The following DNAI7 variants were observed in gnomAD, a reference collection of about 807,000 sequenced individuals.
DNAI7 encodes the protein cancer susceptibility 1.
In DNAI7, 78 loss-of-function variants were observed where a neutral mutation model predicts 86.6. The ratio of observed to expected loss-of-function variants is 0.90; its 90% confidence interval spans 0.75 to 1.09. The LOEUF (loss-of-function observed/expected upper bound fraction) is 1.09. Among genes scored for constraint, DNAI7 ranks in the 50% least tolerant of loss-of-function variants. The pLI is 0.00. For missense variants in DNAI7, 753 were observed against 810.2 expected (o/e 0.93, Z 0.86); for synonymous variants, 274 against 273.0 (o/e 1.00, Z -0.04).
At chr12:25,176,427 T>C (rs1948967145) in intron 2 of DNAI7, among the ~76,000 whole-genome samples, 1 of 152,096 alleles carries the variant, frequency 6.6e-6, no homozygotes, top group East Asian at 1.9e-4. Context: ...ATGTTAAACA[T>C]AAAAACTAAA....
chr12:25,185,765 C>G (rs1949969979), intron 2 of DNAI7: 4 of 984,202 alleles, frequency 4.1e-6, no homozygotes, highest in Non-Finnish European at 4.8e-6. Context: ...GCCACTGAAG[C>G]CTGTTTGTGA....
chr12:25,162,710 C>T (rs73077316), intron 2 of DNAI7, among the ~76,000 whole-genome samples: 17,526 of 152,168 alleles, frequency 0.12, 1,361 homozygotes, highest in Admixed American at 0.16. Context: ...TCTTCCTTTC[C>T]CAGGTTAGAT....
At position 25,147,058 on chromosome 12, in the gene DNAI7, A is replaced by G. The variant is rs534821741; in HGVS notation, c.632T>C (p.Val211Ala). 44 of 1,609,780 alleles carry G rather than the reference A, an allele frequency of 2.7e-5. No individual in the cohort carries two copies. The highest frequency in any genetic ancestry group is 3.3e-5 in the Non-Finnish European group (39 of 1,176,170). Residue 211 changes from valine (V) to alanine (A), a missense_variant, in exon 8 of 16, where the codon GTC (valine) becomes GCC (alanine). Coordinates refer to ENST00000395987, the MANE Select transcript of DNAI7 (RefSeq NM_018272.5). ...CAGAGTAACATTTTCATCTTTAATG[A>G]CTTTTTCCATATTTCCACTGTCCAG... ...ADLDSGNMEK[V>A]IKDENVTLYV...
rs543900316 is a variant in DNAI7 at position 25,117,834 on chromosome 12, G to GT, written c.1396+1310dup. ...CAATTTATAAACGATTAACATTAAA[G>GT]TAATCAAATACTAATTATCCAAATC... On this transcript the variant is annotated intron_variant, in intron 12 of 15. Transcript: ENST00000395987. Among the ~76,000 whole-genome samples, 24 of 151,888 alleles carry GT rather than the reference G, an allele frequency of 1.6e-4. 1 individual carries two copies. The South Asian group carries it at 5.0e-3, about 32-fold the overall frequency.
chr12:25,154,913 T>C (rs1038058178), intron 5 of DNAI7, among the ~76,000 whole-genome samples: 17 of 152,208 alleles, frequency 1.1e-4, no homozygotes, highest in African/African-American at 4.1e-4. Context: ...TTAGAATTTT[T>C]CACTTGATTA....
intron 13 of DNAI7, among the ~76,000 whole-genome samples, chr12:25,112,753 C>G (rs921365145): frequency 6.6e-6 from 1 of 151,986 alleles, no homozygotes; most frequent in Non-Finnish European, 1.5e-5. Flanking sequence ...TCATTTAACC[C>G]AATATATCTA....
chr12:25,161,157 A>C lies in DNAI7; in HGVS notation c.62T>G (p.Leu21Trp). 4 of 1,613,920 alleles carry C rather than the reference A, an allele frequency of 2.5e-6. No homozygotes were observed. The highest frequency in any genetic ancestry group is 3.4e-6 in the Non-Finnish European group (4 of 1,179,912). The change falls in exon 3 of 16, where the codon TTG (leucine) becomes TGG (tryptophan). Residue 21 changes from leucine (L) to tryptophan (W), a missense_variant. By Grantham distance (61) the Leu-to-Trp change is moderately conservative. Coordinates refer to ENST00000395987, the MANE Select transcript of DNAI7 (RefSeq NM_018272.5). The part of the protein sequence containing the change: ...KKKKVTKAER[L>W]KLLQEEEERR... ...CTCCTCCTCCTCTTGTAGCAGCTTC[A>C]ATCGTTCAGCTTTGGTGACTTTCTT... is the stretch of plus-strand genomic sequence containing the variant.
intron 12 of DNAI7, among the ~76,000 whole-genome samples, chr12:25,117,091 G>A (rs754632140): frequency 2.0e-5 from 3 of 151,694 alleles, no homozygotes; most frequent in Non-Finnish European, 4.4e-5. Flanking sequence ...ATGCCACCAC[G>A]CCTGGCTAAT....
chr12:25,188,518 CT>C (rs1420212037), intron 2 of DNAI7, among the ~76,000 whole-genome samples: 1 of 152,006 alleles, frequency 6.6e-6, no homozygotes, highest in Non-Finnish European at 1.5e-5. Flanking sequence ...TGTAAATTCC[CT>C]TTACAGAACA....
rs918521528 is a variant in DNAI7, at chr12:25,195,145, G to T, written c.-67C>A. The T allele has an allele frequency of 1.4e-5, 22 of 1,553,424 alleles. No individual in the cohort carries two copies. The South Asian group carries it at 2.4e-4, about 17-fold the overall frequency. On this transcript the variant is annotated 5_prime_UTR_variant, in exon 1 of 16. Coordinates refer to ENST00000395987, the MANE Select transcript of DNAI7 (RefSeq NM_018272.5). ...AGAAATTGTGTGGACAAACGCTCCC[G>T]GGTTGCCCGGACGACAGGCCCCGCC... is the stretch of plus-strand genomic sequence containing the variant.
chr12:25,118,212 C>T (rs886835177), intron 12 of DNAI7, among the ~76,000 whole-genome samples: 4 of 151,960 alleles, frequency 2.6e-5, no homozygotes, highest in Non-Finnish European at 5.9e-5. Flanking sequence ...GGATTACAGG[C>T]GTGAGCCACA....
chr12:25,150,080 A>C (rs1336080471), intron 6 of DNAI7, among the ~76,000 whole-genome samples: 2 of 152,188 alleles, frequency 1.3e-5, no homozygotes, highest in Non-Finnish European at 2.9e-5. Flanking sequence ...CATCTGTCTA[A>C]TGTAGATGCA....
intron 9 of DNAI7, among the ~76,000 whole-genome samples, chr12:25,141,700 C>G (rs1470301070): frequency 1.3e-5 from 2 of 152,068 alleles, no homozygotes; most frequent in African/African-American, 4.8e-5. Flanking sequence ...CGTGGTGGCA[C>G]GTGCCGGCAA....
In DNAI7 at chr12:25,110,166, C is replaced by T; in HGVS notation, c.1854G>A (p.Lys618=). 1 of 1,612,012 alleles carries T rather than the reference C, an allele frequency of 6.2e-7. No individual in the cohort carries two copies. Among genetic ancestry groups the T allele is most frequent in the South Asian group, 1.1e-5 (1 of 91,050 alleles). ...TTGTAGAATTACATAGTAGGTTCCA[C>T]TTGCTCCAACCAAATGCAAAAGCAG... The part of the protein sequence containing the change: ...LSSAFAFGWS[K]WNLLCNSTKV... Residue 618 remains lysine (K), a synonymous_variant, in exon 15 of 16, where the codon AAG becomes AAA. Transcript: ENST00000395987.
In DNAI7 at chr12:25,182,033, A is replaced by AT. The variant is rs36047649; in HGVS notation, c.21+8580dup. On this transcript the variant is annotated intron_variant, in intron 2 of 15. Coordinates refer to ENST00000395987, the MANE Select transcript of DNAI7 (RefSeq NM_018272.5). Reference sequence around the variant, plus strand: ...TGGGTATCTGCTGAAAAGAAAAGAAATTTTTTTTTTTTTTTTCAAAGAGAC... The same window carrying AT: ...TGGGTATCTGCTGAAAAGAAAAGAAATTTTTTTTTTTTTTTTTCAAAGAGAC... Among the ~76,000 whole-genome samples the AT allele has an allele frequency of 3.0e-3, 444 of 147,252 alleles. 1 individual carries two copies. Among genetic ancestry groups the AT allele is most frequent in the East Asian group, 0.014 (71 of 5,020 alleles).
chr12:25,153,728 C>T (rs574240617), intron 6 of DNAI7, among the ~76,000 whole-genome samples: 1 of 152,194 alleles, frequency 6.6e-6, no homozygotes, highest in Non-Finnish European at 1.5e-5. Context: ...TTCTTACTTT[C>T]TGGATTGTTT....
intron 9 of DNAI7, among the ~76,000 whole-genome samples, chr12:25,125,084 G>A (rs946933988): frequency 6.6e-6 from 1 of 152,106 alleles, no homozygotes; most frequent in South Asian, 2.1e-4. Flanking sequence ...GAACATTCAC[G>A]TTCATGTGAC....
In DNAI7 at chr12:25,158,535, T is replaced by C. The variant is rs763333013; in HGVS notation, c.135A>G (p.Glu45=). 3 of 1,612,986 alleles carry C rather than the reference T, an allele frequency of 1.9e-6. No individual in the cohort carries two copies. The highest frequency in any genetic ancestry group is 2.5e-6 in the Non-Finnish European group (3 of 1,179,730). ...EEEARLKYEK[E]EMERLEIQRI... is the part of the protein sequence containing the mutation. ...GCTGTATTTCAAGCCTTTCCATTTC[T>C]TCTTTCTCATATTTCAAACGGGCTT... The change falls in exon 4 of 16, where the codon GAA becomes GAG. Residue 45 remains glutamate (E), a synonymous_variant. Transcript: ENST00000395987.
intron 9 of DNAI7, among the ~76,000 whole-genome samples, chr12:25,143,035 C>A (rs1023039599): frequency 4.0e-5 from 6 of 151,802 alleles, no homozygotes; most frequent in Non-Finnish European, 8.8e-5. Context: ...TCTTATTGCC[C>A]AAAAAACATT....
Sources: gnomAD v4.1 joint callset for allele counts (sites outside exome capture counted in the v4.1 genomes callset) on GRCh38, gnomAD v4.1.1 for gene constraint, MANE v1.5 for transcripts, NCBI Gene and HGNC (gene_info 2026-07-23, HGNC 2026-07-21) for gene names.